Variants in APBA2 observed in about 807,000 individuals in gnomAD.
The protein encoded by APBA2 is amyloid beta precursor protein binding family A member 2, also known as amyloid-beta A4 precursor protein-binding family A member 2.
Under a neutral mutation model 75.0 loss-of-function variants are expected in APBA2, and 30 were observed. That is an observed-to-expected ratio of 0.40 (90% CI 0.30 to 0.54). The LOEUF is 0.54. Among genes scored for constraint, APBA2 ranks in the 20% least tolerant of loss-of-function variants. APBA2 has a pLI of 0.49. For missense variants in APBA2, 801 were observed against 1,016.1 expected (o/e 0.79, Z 2.88); for synonymous variants, 444 against 409.6 (o/e 1.08, Z -1.01).
intron 3 of APBA2, among the ~76,000 whole-genome samples, chr15:29,006,590 A>G (rs1203650498): frequency 6.6e-6 from 1 of 152,182 alleles, no homozygotes; most frequent in Non-Finnish European, 1.5e-5. Context: ...AGGCCTGACA[A>G]TCATGGTTGA....
chr15:28,937,086 C>T (rs890344335), intron 2 of APBA2, among the ~76,000 whole-genome samples: 1 of 152,162 alleles, frequency 6.6e-6, no homozygotes, highest in Non-Finnish European at 1.5e-5. Flanking sequence ...CGTATGCCTC[C>T]GCTCTCTCAC....
At chr15:28,989,451 G>A (rs2038102194) in intron 2 of APBA2, among the ~76,000 whole-genome samples, 1 of 152,200 alleles carries the variant, frequency 6.6e-6, no homozygotes, top group Non-Finnish European at 1.5e-5. Flanking sequence ...AACCTAGTGT[G>A]CTGGGCCCTG....
At chr15:29,028,880 T>C (rs1185327565) in intron 3 of APBA2, among the ~76,000 whole-genome samples, 1 of 152,244 alleles carries the variant, frequency 6.6e-6, no homozygotes, top group Non-Finnish European at 1.5e-5. Flanking sequence ...CTTGTAAATT[T>C]AAGTTCCTTG....
At chr15:29,028,201 G>A (rs1195993038) in intron 3 of APBA2, among the ~76,000 whole-genome samples, 1 of 151,590 alleles carries the variant, frequency 6.6e-6, no homozygotes, top group African/African-American at 2.4e-5. Context: ...CCCTCCCTGT[G>A]TCCATGTTTT....
chr15:29,043,446 T>A (rs943031676), intron 3 of APBA2, among the ~76,000 whole-genome samples: 1 of 152,160 alleles, frequency 6.6e-6, no homozygotes, highest in Non-Finnish European at 1.5e-5. Flanking sequence ...TTCCTGGGCT[T>A]TTTTATGCTT....
intron 12 of APBA2, among the ~76,000 whole-genome samples, chr15:29,107,787 C>T (rs2044507391): frequency 6.6e-6 from 1 of 152,220 alleles, no homozygotes; most frequent in Non-Finnish European, 1.5e-5. Flanking sequence ...TGCGTCCTCA[C>T]TCACAGAGAT....
chr15:29,110,473 G>A (rs1462133214), intron 13 of APBA2, among the ~76,000 whole-genome samples: 1 of 152,240 alleles, frequency 6.6e-6, no homozygotes, highest in African/African-American at 2.4e-5. Context: ...CAGCCCTGTC[G>A]CTGTGAGCCC....
At chr15:29,074,803 A>G (rs901737161) in intron 4 of APBA2, 118 bp from the exon 5 acceptor site, 24 of 795,688 alleles carry the variant, frequency 3.0e-5, no homozygotes, top group African/African-American at 2.4e-4. Context: ...ACACACACCT[A>G]TACACATACA....
chr15:29,045,072 T>TCC (rs2041241611), intron 3 of APBA2, among the ~76,000 whole-genome samples: 1 of 101,150 alleles, frequency 9.9e-6, no homozygotes, highest in African/African-American at 1.0e-4. Context: ...TCCCTCCTTC[T>TCC]CTCTCTCTCT....
intron 2 of APBA2, among the ~76,000 whole-genome samples, chr15:28,936,196 G>C (rs538915868): frequency 6.6e-6 from 1 of 152,146 alleles, no homozygotes; most frequent in Admixed American, 6.5e-5. Flanking sequence ...TCCTCCAGTT[G>C]TGCCCCATAG....
intron 2 of APBA2, among the ~76,000 whole-genome samples, chr15:28,994,013 G>A (rs2038376618): frequency 6.6e-6 from 1 of 152,206 alleles, no homozygotes. Context: ...AACTGAGGCC[G>A]CATTGCTGGA....
chr15:29,003,223 C>T (rs2038941516), intron 3 of APBA2, among the ~76,000 whole-genome samples: 1 of 152,056 alleles, frequency 6.6e-6, no homozygotes, highest in South Asian at 2.1e-4. Context: ...ACCAGAGGCT[C>T]CTCATAGAGT....
At chr15:29,075,119 G>T in intron 5 of APBA2, 118 bp downstream of exon 5, 1 of 839,028 alleles carries the variant, frequency 1.2e-6, no homozygotes, top group Non-Finnish European at 2.0e-6. Flanking sequence ...CCGGTGCCTG[G>T]GGGAGAGGGA....
At chr15:29,058,137 G>T (rs187851651) in intron 4 of APBA2, among the ~76,000 whole-genome samples, 5 of 152,128 alleles carry the variant, frequency 3.3e-5, no homozygotes, top group Non-Finnish European at 5.9e-5. Flanking sequence ...GGTACAGAGG[G>T]ATTTAATTGG....
chr15:29,001,765 T>G (rs543270845), intron 3 of APBA2, among the ~76,000 whole-genome samples: 25 of 152,230 alleles, frequency 1.6e-4, no homozygotes, highest in Non-Finnish European at 2.6e-4. Context: ...TTTTTTGTTT[T>G]AAGTTGTACT....
At chr15:29,052,329 C>T (rs989945259) in intron 3 of APBA2, among the ~76,000 whole-genome samples, 6 of 151,892 alleles carry the variant, frequency 4.0e-5, no homozygotes, top group Non-Finnish European at 8.8e-5. Flanking sequence ...GTGGGGGACA[C>T]CTGTAGTCCC....
At chr15:29,040,305 G>T (rs1177501748) in intron 3 of APBA2, among the ~76,000 whole-genome samples, 1 of 152,208 alleles carries the variant, frequency 6.6e-6, no homozygotes, top group Non-Finnish European at 1.5e-5. Context: ...GAAAGAGTGT[G>T]ATGTGTTAGG....
chr15:29,060,497 G>A (rs1024533088), intron 4 of APBA2, among the ~76,000 whole-genome samples: 14 of 152,182 alleles, frequency 9.2e-5, no homozygotes, highest in African/African-American at 3.4e-4. Context: ...GAGTCAGTGT[G>A]GGGGAACTGT....
At chr15:29,102,934 C>T (rs1290420748) in intron 10 of APBA2, among the ~76,000 whole-genome samples, 1 of 139,692 alleles carries the variant, frequency 7.2e-6, no homozygotes, top group Non-Finnish European at 1.6e-5. Flanking sequence ...CTGGCGCAGT[C>T]ATCTTCTTCC....
Sources: allele counts gnomAD v4.1 joint callset (sites outside exome capture counted in the v4.1 genomes callset), GRCh38; gene constraint gnomAD v4.1.1; transcripts MANE v1.5; gene names NCBI Gene and HGNC (gene_info 2026-07-23, HGNC 2026-07-21).